DOCK1: variants seen among roughly 807,000 people sequenced by gnomAD.
The protein encoded by DOCK1 is dedicator of cytokinesis 1.
In DOCK1, 138 loss-of-function variants were observed where a neutral mutation model predicts 262.7. That is an observed-to-expected ratio of 0.53 (90% CI 0.46 to 0.61). DOCK1 has a LOEUF of 0.61. Among genes scored for constraint, DOCK1 ranks in the 20% least tolerant of loss-of-function variants. DOCK1 has a pLI of 0.00. For missense variants in DOCK1, 1,908 were observed against 2,370.7 expected (o/e 0.80, Z 4.05); for synonymous variants, 866 against 867.4 (o/e 1.00, Z 0.03).
chr10:127,110,203 T>C (rs548734723), intron 24 of DOCK1, 45 bp from the exon 25 acceptor site: 62 of 1,503,622 alleles, frequency 4.1e-5, no homozygotes, highest in Non-Finnish European at 1.8e-5. Flanking sequence ...TTGGATCCTT[T>C]TGCTATGTGT....
At chr10:127,075,169 C>CAAAAAAAAAAAAAAAAA (rs71032536) in intron 23 of DOCK1, among the ~76,000 whole-genome samples, 1 of 64,322 alleles carries the variant, frequency 1.6e-5, no homozygotes, top group Non-Finnish European at 2.6e-5. Flanking sequence ...AACTCTGTCT[C>CAAAAAAAAAAAAAAAAA]AAAAAAAAAA....
intron 29 of DOCK1, among the ~76,000 whole-genome samples, chr10:127,320,338 C>T (rs1446956364): frequency 1.3e-5 from 2 of 152,180 alleles, no homozygotes; most frequent in Non-Finnish European, 2.9e-5. Flanking sequence ...GCTGGGTAGG[C>T]AGGGGCCGCC....
At position 127,410,898 on chromosome 10, in the gene DOCK1, G is replaced by A; in HGVS notation, c.4402G>A (p.Glu1468Lys). 6.2e-7 allele frequency: 1 copy of A among 1,613,788 alleles called. No homozygotes were observed. Among genetic ancestry groups the A allele is most frequent in the Non-Finnish European group, 8.5e-7 (1 of 1,179,836 alleles). The stretch of plus-strand genomic sequence containing the variant: ...ATATTCTCGGCCAATCCGGAAGGGA[G>A]AGAAAAACCCAGACAATGAATTTGC... ...FEYSRPIRKG[E>K]KNPDNEFANM... is the part of the protein sequence containing the mutation. Residue 1468 changes from glutamate to lysine, a missense_variant, in exon 43 of 52, where the codon GAG (glutamate) becomes AAG (lysine). Glu to Lys is a moderately conservative substitution (Grantham distance 56). Coordinates refer to ENST00000623213, the MANE Select transcript of DOCK1 (RefSeq NM_001290223.2).
intron 27 of DOCK1, among the ~76,000 whole-genome samples, 160 bp from the exon 28 acceptor site, chr10:127,247,848 C>G (rs1421631177): frequency 6.6e-6 from 1 of 152,200 alleles, no homozygotes; most frequent in Non-Finnish European, 1.5e-5. Context: ...ATGCCTTATG[C>G]TGATCTTCCC....
intron 27 of DOCK1, among the ~76,000 whole-genome samples, chr10:127,246,440 AC>A (rs768324803): frequency 1.3e-5 from 2 of 152,244 alleles, no homozygotes; most frequent in Non-Finnish European, 2.9e-5. Context: ...TAGACAAGAT[AC>A]AAAGGCAGCC....
intron 29 of DOCK1, among the ~76,000 whole-genome samples, chr10:127,273,889 A>AT (rs1564956509): frequency 6.6e-6 from 1 of 152,094 alleles, no homozygotes; most frequent in Non-Finnish European, 1.5e-5. Flanking sequence ...AAAAAAAAAA[A>AT]AAAATAGCTA....
intron 27 of DOCK1, among the ~76,000 whole-genome samples, chr10:127,201,036 C>CG (rs1174438825): frequency 6.6e-6 from 1 of 152,228 alleles, no homozygotes; most frequent in African/African-American, 2.4e-5. Flanking sequence ...TCAGCCAGTG[C>CG]TCAACGCCTA....
At chr10:126,925,340 CT>C (rs1471052411) in intron 1 of DOCK1, among the ~76,000 whole-genome samples, 1 of 152,220 alleles carries the variant, frequency 6.6e-6, no homozygotes, top group Non-Finnish European at 1.5e-5. Context: ...CATCAGATCT[CT>C]TGGTGTCTTC....
intron 38 of DOCK1, among the ~76,000 whole-genome samples, chr10:127,385,938 T>G (rs1401669941): frequency 6.6e-6 from 1 of 152,224 alleles, no homozygotes; most frequent in African/African-American, 2.4e-5. Context: ...TCATCTTCCC[T>G]TGATTACATC....
chr10:127,002,793 C>T (rs2040687687), intron 10 of DOCK1, among the ~76,000 whole-genome samples: 1 of 152,154 alleles, frequency 6.6e-6, no homozygotes, highest in Admixed American at 6.5e-5. Context: ...ACATGGACAC[C>T]CCCTTTGGTC....
At position 127,031,801 on chromosome 10, in the gene DOCK1, CT is replaced by C. The variant is rs754762741; in HGVS notation, c.1728+52del. ...TATTGCTGCTATAGACAGTTTCAGTCTTTTCTGGGCTCCCTGACCTGGACCA... is the reference window on the plus strand; with the variant it reads ...TATTGCTGCTATAGACAGTTTCAGTCTTTCTGGGCTCCCTGACCTGGACCA... On this transcript the variant is annotated intron_variant, in intron 17 of 51. Transcript: ENST00000623213. The C allele has an allele frequency of 3.3e-6, 5 of 1,535,496 alleles. No individual in the cohort carries two copies. In the South Asian group the frequency reaches 5.9e-5, roughly 18 times the overall value.
At chr10:127,242,640 TG>T (rs2059302593) in intron 27 of DOCK1, among the ~76,000 whole-genome samples, 1 of 152,204 alleles carries the variant, frequency 6.6e-6, no homozygotes, top group South Asian at 2.1e-4. Context: ...ATCACCATTA[TG>T]TTTTTTTTGT....
rs2042873347 is a variant in DOCK1, at chr10:127,026,480, AG to A, written c.1624+57del. On this transcript the variant is annotated intron_variant, in intron 16 of 51. Coordinates refer to ENST00000623213, the MANE Select transcript of DOCK1 (RefSeq NM_001290223.2). The stretch of plus-strand genomic sequence containing the variant: ...TATTTTTAAGGGAGAACTGGGGGAA[AG>A]CGCGAGAGGCCACTCTCAGTTGTTC... 3.3e-6 allele frequency: 5 copies of A among 1,498,582 alleles called. No homozygotes were observed. In the African/African-American group the frequency reaches 6.9e-5, roughly 21 times the overall value. The allele number at this position is 1,498,582 out of a possible 1,614,324, so 92.8% of individuals were successfully genotyped here.
At chr10:127,196,791 C>A (rs891729663) in intron 27 of DOCK1, among the ~76,000 whole-genome samples, 1 of 151,608 alleles carries the variant, frequency 6.6e-6, no homozygotes, top group Non-Finnish European at 1.5e-5. Context: ...CGCGGGGCTC[C>A]GCCACAGCGC....
intron 38 of DOCK1, among the ~76,000 whole-genome samples, chr10:127,393,521 G>T (rs1365947317): frequency 6.6e-6 from 1 of 152,094 alleles, no homozygotes; most frequent in Non-Finnish European, 1.5e-5. Context: ...GCTGTTAAGG[G>T]AGCAGGGGTC....
At chr10:127,130,332 C>T (rs528161751) in intron 27 of DOCK1, among the ~76,000 whole-genome samples, 6 of 152,200 alleles carry the variant, frequency 3.9e-5, no homozygotes, top group East Asian at 3.9e-4. Context: ...GTGATCCATC[C>T]GCTTCGGCCT....
At chr10:127,158,919 G>T (rs1031039448) in intron 27 of DOCK1, among the ~76,000 whole-genome samples, 8 of 152,086 alleles carry the variant, frequency 5.3e-5, no homozygotes, top group African/African-American at 1.9e-4. Flanking sequence ...TTTCTGTTCT[G>T]TTGACCCTCT....
intron 2 of DOCK1, among the ~76,000 whole-genome samples, chr10:126,974,225 T>C (rs2038337692): frequency 6.6e-6 from 1 of 152,166 alleles, no homozygotes; most frequent in Non-Finnish European, 1.5e-5. Context: ...CTCGTTTCCA[T>C]AGGGTCCCCA....
At chr10:127,390,796 T>A (rs1167433678) in intron 38 of DOCK1, among the ~76,000 whole-genome samples, 1 of 152,222 alleles carries the variant, frequency 6.6e-6, no homozygotes, top group Non-Finnish European at 1.5e-5. Flanking sequence ...TGTATAGATT[T>A]CATGTTGAAA....
Sources: gnomAD v4.1 joint callset for allele counts (sites outside exome capture counted in the v4.1 genomes callset) on GRCh38, gnomAD v4.1.1 for gene constraint, MANE v1.5 for transcripts, NCBI Gene and HGNC (gene_info 2026-07-23, HGNC 2026-07-21) for gene names.